ZNF675: variants seen among roughly 807,000 people sequenced by gnomAD.
ZNF675 encodes the protein zinc finger protein 675.
A neutral mutation model predicts 56.1 loss-of-function variants in ZNF675; 36 were observed. The ratio of observed to expected loss-of-function variants is 0.64; its 90% CI spans 0.49 to 0.85. ZNF675 has a LOEUF of 0.85. Among genes scored for constraint, ZNF675 ranks in the 40% least tolerant of loss-of-function variants. The probability of loss-of-function intolerance (pLI) is 0.00; values close to 1 mark genes in which losing one functional copy is unlikely to be tolerated. For synonymous variants in ZNF675, 200 were observed against 218.9 expected (o/e 0.91, Z 0.76); for missense variants, 663 against 654.2 (o/e 1.01, Z -0.15).
rs537312605 is a variant in ZNF675 at position 23,662,746 on chromosome 19, G to A, written c.130+286C>T. Among the ~76,000 whole-genome samples, 5 of 152,240 alleles carry A rather than the reference G, an allele frequency of 3.3e-5. No homozygotes were observed. The East Asian group carries it at 5.8e-4, about 18-fold the overall frequency. On this transcript the variant is annotated intron_variant, in intron 2 of 3. Coordinates refer to ENST00000359788, the MANE Select transcript of ZNF675 (RefSeq NM_138330.3). ...AGTAATCCCAGCACTTTGGGAGGCC[G>A]AGGCGAATGGCTCATCTGAGGTCAC...
intron 1 of ZNF675, among the ~76,000 whole-genome samples, chr19:23,685,434 T>C (rs1568297434): frequency 6.6e-6 from 1 of 152,156 alleles, no homozygotes. Context: ...GGTAGATATA[T>C]TGGTTTATTC....
At position 23,662,307 on chromosome 19, in the gene ZNF675, A is replaced by G. The variant is rs183153283; in HGVS notation, c.131-98T>C. On this transcript the variant is annotated intron_variant, in intron 2 of 3. Transcript: ENST00000359788. ...TAAAGAGAATGTAATGGAATAGTCT[A>G]GTAAATTAATCCCAAAATACTGACT... 4.9e-4 allele frequency: 395 copies of G among 807,930 alleles called. 3 individuals are homozygous for G. In the East Asian group the frequency reaches 0.01, roughly 21 times the overall value. 50.0% of individuals were successfully genotyped at this position (807,930 alleles called of 1,614,324 possible). A position where few individuals can be genotyped will look rare whatever the true frequency, so the allele number is the denominator to read the frequency against.
Position 23,663,060 on chromosome 19 carries a change from T to C in ZNF675, c.102A>G (p.Leu34=), listed in dbSNP as rs771627271. ...AQRNLYKNVI[L]ENYRNLVFLG... ...GGAAGACCAGGTTTCTGTAGTTCTC[T>C]AAAATCACATTTTTATATAAATTCC... is the stretch of plus-strand genomic sequence containing the variant. The change falls in exon 2 of 4, where the codon TTA becomes TTG. Residue 34 remains leucine, a synonymous_variant. Coordinates refer to ENST00000359788, the MANE Select transcript of ZNF675 (RefSeq NM_138330.3). The C allele has an allele frequency of 2.5e-6, 4 of 1,605,136 alleles. No individual in the cohort carries two copies. Among genetic ancestry groups the C allele is most frequent in the Non-Finnish European group, 3.4e-6 (4 of 1,176,796 alleles).
chr19:23,654,023 T>C lies in ZNF675; in HGVS notation c.910A>G (p.Lys304Glu). ...NQFSNLTTHK[K>E]IHTGEQPYIC... ...TAGGGTTGCTCTCCAGTATGAATTT[T>C]TTTATGTGTAGTAAGATTTGAGAAC... Residue 304 changes from lysine to glutamate, a missense_variant, in exon 4 of 4, where the codon AAA becomes GAA. Physicochemically the swap from Lys to Glu is moderately conservative, Grantham distance 56. Coordinates refer to ENST00000359788, the MANE Select transcript of ZNF675 (RefSeq NM_138330.3). 1.2e-6 allele frequency: 2 copies of C among 1,613,842 alleles called. No individual in the cohort carries two copies. The highest frequency in any genetic ancestry group is 1.7e-6 in the Non-Finnish European group (2 of 1,179,964).
Position 23,653,990 on chromosome 19 carries a change from C to A in ZNF675, c.943G>T (p.Glu315Ter). Residue 315 changes from glutamate (E) to a stop codon, truncating the protein, a stop_gained, in exon 4 of 4, where the codon GAA becomes TAA. Coordinates refer to ENST00000359788, the MANE Select transcript of ZNF675 (RefSeq NM_138330.3). LOFTEE classifies it high-confidence loss of function. ...IHTGEQPYIC[E>*]ECGKAFTQSS... ...TGGGTAAAAGCCTTGCCACATTCTTCACATATGTAGGGTTGCTCTCCAGTA... is the reference window on the plus strand; with the variant it reads ...TGGGTAAAAGCCTTGCCACATTCTTAACATATGTAGGGTTGCTCTCCAGTA... 8 of 1,613,818 alleles carry A rather than the reference C, an allele frequency of 5.0e-6. No individual in the cohort carries two copies. Among genetic ancestry groups the A allele is most frequent in the Non-Finnish European group, 6.8e-6 (8 of 1,179,942 alleles).
intron 1 of ZNF675, among the ~76,000 whole-genome samples, chr19:23,685,658 A>G (rs1280918419): frequency 6.6e-6 from 1 of 152,262 alleles, no homozygotes; most frequent in Non-Finnish European, 1.5e-5. Context: ...ATTTTCAAAC[A>G]GAAAACGATT....
At chr19:23,681,547 T>C (rs1442725863) in intron 1 of ZNF675, among the ~76,000 whole-genome samples, 1 of 151,732 alleles carries the variant, frequency 6.6e-6, no homozygotes, top group Non-Finnish European at 1.5e-5. Flanking sequence ...ATATCTTTTT[T>C]CTGGCACCAA....
At chr19:23,684,424 C>T (rs1249654322) in intron 1 of ZNF675, among the ~76,000 whole-genome samples, 5 of 151,824 alleles carry the variant, frequency 3.3e-5, no homozygotes, top group Non-Finnish European at 5.9e-5. Context: ...AGGGGCGGAT[C>T]ACCTGAGGTC....
In ZNF675 at chr19:23,654,487, T is replaced by C; in HGVS notation, c.446A>G (p.Tyr149Cys). Reference sequence around the variant, plus strand: ...TGAAAATTTATTAAAGACTTTCACATATTTATCACATTGAAACATTTTGCT... The same window carrying C: ...TGAAAATTTATTAAAGACTTTCACACATTTATCACATTGAAACATTTTGCT... ...MQSKMFQCDK[Y>C]VKVFNKFSHS... Residue 149 changes from tyrosine to cysteine, a missense_variant, in exon 4 of 4, where the codon TAT (tyrosine) becomes TGT (cysteine). By Grantham distance (194) the Tyr-to-Cys change is radical (BLOSUM62 -2). Coordinates refer to ENST00000359788, the MANE Select transcript of ZNF675 (RefSeq NM_138330.3). The C allele has an allele frequency of 6.2e-7, 1 of 1,602,986 alleles. No individual in the cohort carries two copies. Among genetic ancestry groups the C allele is most frequent in the Non-Finnish European group, 8.5e-7 (1 of 1,175,340 alleles).
chr19:23,670,062 G>A (rs1442983136), intron 1 of ZNF675, among the ~76,000 whole-genome samples: 3 of 151,958 alleles, frequency 2.0e-5, no homozygotes, highest in Non-Finnish European at 1.5e-5. Flanking sequence ...GTCACCTAAT[G>A]AGCCCTCTAC....
At chr19:23,684,936 G>A (rs969577297) in intron 1 of ZNF675, among the ~76,000 whole-genome samples, 2 of 152,084 alleles carry the variant, frequency 1.3e-5, no homozygotes, top group African/African-American at 4.8e-5. Context: ...CATCTGATTG[G>A]CTGACCAGCA....
intron 1 of ZNF675, among the ~76,000 whole-genome samples, chr19:23,679,430 A>G (rs934200504): frequency 2.0e-5 from 3 of 151,612 alleles, no homozygotes; most frequent in Non-Finnish European, 4.4e-5. Flanking sequence ...AATTATAAAA[A>G]ACTCTGGAAG....
chr19:23,655,507 C>T (rs1305536793), intron 3 of ZNF675: 1 of 151,514 alleles, frequency 6.6e-6, no homozygotes, highest in East Asian at 1.9e-4. Flanking sequence ...AATGAACTAG[C>T]TCTTACTTGA....
At chr19:23,662,684 G>T (rs547216576) in intron 2 of ZNF675, among the ~76,000 whole-genome samples, 115 of 152,234 alleles carry the variant, frequency 7.6e-4, no homozygotes, top group Non-Finnish European at 2.4e-4. Flanking sequence ...CGGTATATTA[G>T]AAACTGTCTG....
In ZNF675 at chr19:23,668,673, C is replaced by T. The variant is rs545379129; in HGVS notation, c.4-5515G>A. Among the ~76,000 whole-genome samples, 406 of 152,340 alleles carry T rather than the reference C, an allele frequency of 2.7e-3. 4 individuals are homozygous for T. The highest frequency in any genetic ancestry group is 8.4e-3 in the African/African-American group (351 of 41,580). ...GACTGCAGTCCCGAGGCCTGCCCCG[C>T]GGGAAGGCAGCTAAGGCCCGGCGAG... On this transcript the variant is annotated intron_variant, in intron 1 of 3. Coordinates refer to ENST00000359788, the MANE Select transcript of ZNF675 (RefSeq NM_138330.3).
chr19:23,686,668 C>T (rs1412083237), intron 1 of ZNF675, among the ~76,000 whole-genome samples: 1 of 152,040 alleles, frequency 6.6e-6, no homozygotes, highest in Non-Finnish European at 1.5e-5. Flanking sequence ...ACTGGGAACC[C>T]CACGGACCAA....
intron 3 of ZNF675, chr19:23,656,991 G>T (rs1479219399): frequency 3.3e-5 from 5 of 152,164 alleles, no homozygotes; most frequent in African/African-American, 9.7e-5. Flanking sequence ...TTTGAGTAAA[G>T]TGGCACAATT....
chr19:23,655,715 G>C (rs1967974149), intron 3 of ZNF675: 1 of 152,084 alleles, frequency 6.6e-6, no homozygotes, highest in Non-Finnish European at 1.5e-5. Flanking sequence ...GACCAAATAG[G>C]CTTAACAGAC....
At position 23,660,680 on chromosome 19, in the gene ZNF675, A is replaced by C. The variant is rs1473406843; in HGVS notation, c.226+1434T>G. Among the ~76,000 whole-genome samples, 3 of 152,290 alleles carry C rather than the reference A, an allele frequency of 2.0e-5. No homozygotes were observed. The East Asian group carries it at 5.8e-4, about 29-fold the overall frequency. On this transcript the variant is annotated intron_variant, in intron 3 of 3. Transcript: ENST00000359788. ...CTTTACAGTGAGAGATATCAGTGAA[A>C]GATATTAGAAAAGACATAAATAAAC...
Sources: allele counts gnomAD v4.1 joint callset (sites outside exome capture counted in the v4.1 genomes callset), GRCh38; gene constraint gnomAD v4.1.1; transcripts MANE v1.5; gene names NCBI Gene and HGNC (gene_info 2026-07-23, HGNC 2026-07-21).